KCNQ5: variants seen among roughly 807,000 people sequenced by gnomAD.
KCNQ5 encodes the protein potassium voltage-gated channel subfamily KQT member 5.
A neutral mutation model predicts 98.2 loss-of-function variants in KCNQ5; 30 were observed. The ratio of observed to expected loss-of-function variants is 0.31; its 90% CI spans 0.23 to 0.41. The LOEUF (loss-of-function observed/expected upper bound fraction) is 0.41, where lower values mean the gene tolerates loss of function less well. KCNQ5 is among the 10% of genes least tolerant of loss of function. The pLI, the probability that KCNQ5 is intolerant of heterozygous loss-of-function variation, is 1.00. For missense variants in KCNQ5, 835 were observed against 1,182.5 expected (o/e 0.71, Z 4.31); for synonymous variants, 458 against 449.4 (o/e 1.02, Z -0.24).
At chr6:72,723,984 T>C (rs985563713) in intron 1 of KCNQ5, among the ~76,000 whole-genome samples, 2 of 152,172 alleles carry the variant, frequency 1.3e-5, no homozygotes, top group Non-Finnish European at 2.9e-5. Context: ...AATGTTGTAA[T>C]ATGATTTTTA....
At position 73,195,571 on chromosome 6, in the gene KCNQ5, C is replaced by A. The variant is rs1192722623; in HGVS notation, c.*157C>A. The A allele has an allele frequency of 4.3e-6, 4 of 929,512 alleles. No homozygotes were observed. The East Asian group carries it at 1.0e-4, about 24-fold the overall frequency. 57.6% of individuals were successfully genotyped at this position (929,512 alleles called of 1,614,324 possible). On this transcript the variant is annotated 3_prime_UTR_variant, in exon 14 of 14. Coordinates refer to ENST00000370398, the MANE Select transcript of KCNQ5 (RefSeq NM_019842.4). ...GTTACCTTTTAATTGCATGAAAATGCATGTTTAGGGATGGCTAAAATTCCA... is the reference window on the plus strand; with the variant it reads ...GTTACCTTTTAATTGCATGAAAATGAATGTTTAGGGATGGCTAAAATTCCA...
intron 1 of KCNQ5, among the ~76,000 whole-genome samples, chr6:72,941,653 C>A (rs1236102924): frequency 2.1e-5 from 2 of 94,654 alleles, no homozygotes; most frequent in African/African-American, 6.2e-5. Flanking sequence ...CCCACCCGCA[C>A]CTCCCTCCCC....
intron 1 of KCNQ5, among the ~76,000 whole-genome samples, chr6:72,715,793 G>T (rs559149160): frequency 1.3e-5 from 2 of 151,916 alleles, no homozygotes; most frequent in African/African-American, 4.8e-5. Flanking sequence ...ATGATATTCC[G>T]ATACTAACTA....
At chr6:73,047,809 C>T (rs1480700465) in intron 3 of KCNQ5, among the ~76,000 whole-genome samples, 1 of 152,094 alleles carries the variant, frequency 6.6e-6, no homozygotes, top group East Asian at 1.9e-4. Context: ...CTCCTGTGCC[C>T]TTAGAGAATG....
At chr6:72,767,121 A>T (rs1772612944) in intron 1 of KCNQ5, among the ~76,000 whole-genome samples, 1 of 151,998 alleles carries the variant, frequency 6.6e-6, no homozygotes, top group African/African-American at 2.4e-5. Context: ...GAGAGACTGG[A>T]GAAGGAGCAA....
chr6:72,910,906 T>C (rs1416671397), intron 1 of KCNQ5, among the ~76,000 whole-genome samples: 2 of 152,082 alleles, frequency 1.3e-5, no homozygotes, highest in African/African-American at 2.4e-5. Flanking sequence ...AAATGGAAGA[T>C]ACATGTTGTT....
At chr6:73,034,920 A>G (rs1054469990) in intron 2 of KCNQ5, among the ~76,000 whole-genome samples, 32 of 143,428 alleles carry the variant, frequency 2.2e-4, no homozygotes, top group Middle Eastern at 3.8e-3. Context: ...ATCTCGGCTC[A>G]CTGCAAGCTC....
intron 1 of KCNQ5, among the ~76,000 whole-genome samples, chr6:72,745,203 TTG>T (rs1771320892): frequency 6.6e-6 from 1 of 152,232 alleles, no homozygotes; most frequent in South Asian, 2.1e-4. Flanking sequence ...ATTTTGGAAA[TTG>T]TGTTCTTTTC....
chr6:72,999,920 A>G (rs1049634609), intron 1 of KCNQ5, among the ~76,000 whole-genome samples: 1 of 152,188 alleles, frequency 6.6e-6, no homozygotes, highest in African/African-American at 2.4e-5. Flanking sequence ...AGTACGGCTA[A>G]TACCATCATG....
At position 72,980,084 on chromosome 6, in the gene KCNQ5, TAGTATAG is replaced by T. The variant is rs925252731; in HGVS notation, c.399-23823_399-23817del. Among the ~76,000 whole-genome samples the T allele has an allele frequency of 2.0e-5, 3 of 152,216 alleles. No homozygotes were observed. In the East Asian group the frequency reaches 5.8e-4, roughly 29 times the overall value. ...TGCTGTTTTGGTTACTGTAGCCTTG[TAGTATAG>T]TTTCAAGCCAGGTAGCATCATGCCT... On this transcript the variant is annotated intron_variant, in intron 1 of 13. Coordinates refer to ENST00000370398, the MANE Select transcript of KCNQ5 (RefSeq NM_019842.4).
At chr6:72,673,734 C>T (rs1462764423) in intron 1 of KCNQ5, among the ~76,000 whole-genome samples, 2 of 152,184 alleles carry the variant, frequency 1.3e-5, no homozygotes, top group Non-Finnish European at 2.9e-5. Context: ...ATCCTTTATC[C>T]TCTGCTTTCA....
intron 1 of KCNQ5, among the ~76,000 whole-genome samples, chr6:72,651,951 TTA>T (rs1312609286): frequency 6.6e-6 from 1 of 152,040 alleles, no homozygotes; most frequent in African/African-American, 2.4e-5. Context: ...AAAACTCAGA[TTA>T]TATTTTATTC....
intron 1 of KCNQ5, among the ~76,000 whole-genome samples, chr6:72,766,637 T>C (rs1003320822): frequency 1.3e-5 from 2 of 151,956 alleles, no homozygotes; most frequent in African/African-American, 4.8e-5. Flanking sequence ...GCTAACACTT[T>C]CTATGTTGGA....
intron 1 of KCNQ5, among the ~76,000 whole-genome samples, chr6:72,927,843 C>T (rs557570682): frequency 4.0e-5 from 6 of 151,562 alleles, no homozygotes; most frequent in South Asian, 2.1e-4. Flanking sequence ...CACTTGTTTT[C>T]GCAAAAGATA....
In KCNQ5 at chr6:72,932,690, G is replaced by A. The variant is rs535395346; in HGVS notation, c.399-71218G>A. Among the ~76,000 whole-genome samples, 9 of 152,090 alleles carry A rather than the reference G, an allele frequency of 5.9e-5. No homozygotes were observed. The East Asian group carries it at 1.5e-3, about 26-fold the overall frequency. ...TATCTGCTATTTTAAGACCTACATA[G>A]CCTAGGAATTAGCATTTTTGGACGC... On this transcript the variant is annotated intron_variant, in intron 1 of 13. Coordinates refer to ENST00000370398, the MANE Select transcript of KCNQ5 (RefSeq NM_019842.4).
chr6:72,836,969 T>C (rs6907502), intron 1 of KCNQ5, among the ~76,000 whole-genome samples: 1 of 152,022 alleles, frequency 6.6e-6, no homozygotes, highest in African/African-American at 2.4e-5. Context: ...TCTTTTTAAC[T>C]TAATATATTG....
intron 1 of KCNQ5, among the ~76,000 whole-genome samples, chr6:72,674,769 C>CTAAA (rs999604879): frequency 5.5e-4 from 83 of 151,766 alleles, no homozygotes; most frequent in African/African-American, 1.2e-3. Context: ...GATCCTGTCT[C>CTAAA]TAAATAAATA....
intron 1 of KCNQ5, among the ~76,000 whole-genome samples, chr6:72,645,511 T>G (rs1225889638): frequency 1.3e-5 from 2 of 152,116 alleles, no homozygotes; most frequent in East Asian, 3.9e-4. Context: ...ATGAATAATA[T>G]TAATAATATA....
At chr6:73,000,679 A>G (rs1216036374) in intron 1 of KCNQ5, among the ~76,000 whole-genome samples, 1 of 152,066 alleles carries the variant, frequency 6.6e-6, no homozygotes, top group Non-Finnish European at 1.5e-5. Flanking sequence ...AATTTACAGC[A>G]TCCCTTCAGT....
Sources: gnomAD v4.1 joint callset for allele counts (sites outside exome capture counted in the v4.1 genomes callset) on GRCh38, gnomAD v4.1.1 for gene constraint, MANE v1.5 for transcripts, NCBI Gene and HGNC (gene_info 2026-07-23, HGNC 2026-07-21) for gene names.